The following KLHL14 variants were observed in gnomAD, a reference collection of about 807,000 sequenced individuals.
KLHL14 encodes the protein kelch-like protein 14.
A neutral mutation model predicts 64.3 loss-of-function variants in KLHL14; 22 were observed. The ratio of observed to expected loss-of-function variants is 0.34; its 90% CI spans 0.24 to 0.49. The LOEUF (loss-of-function observed/expected upper bound fraction) is 0.49. KLHL14 is among the 20% of genes least tolerant of loss of function. The pLI, the probability that KLHL14 is intolerant of heterozygous loss-of-function variation, is 0.99. For missense variants in KLHL14, 661 were observed against 789.0 expected (o/e 0.84, Z 1.94); for synonymous variants, 322 against 333.4 (o/e 0.97, Z 0.37).
intron 4 of KLHL14, among the ~76,000 whole-genome samples, chr18:32,694,170 T>C (rs528840436): frequency 1.3e-5 from 2 of 152,322 alleles, no homozygotes; most frequent in East Asian, 3.9e-4. Flanking sequence ...ATGTTCCTGT[T>C]TTCTCTTGTC....
intron 3 of KLHL14, among the ~76,000 whole-genome samples, chr18:32,711,503 A>T (rs689525): frequency 0.29 from 44,816 of 151,952 alleles, 6,874 homozygotes; most frequent in African/African-American, 0.37. Flanking sequence ...TTGGATTCTC[A>T]TTTTCCTGGT....
chr18:32,710,908 A>G (rs937626998), intron 3 of KLHL14, among the ~76,000 whole-genome samples: 1 of 151,782 alleles, frequency 6.6e-6, no homozygotes, highest in Non-Finnish European at 1.5e-5. Flanking sequence ...TGTAAGGAGC[A>G]ATGGGATGTA....
chr18:32,681,557 T>C (rs2049838857), intron 5 of KLHL14, among the ~76,000 whole-genome samples: 1 of 152,138 alleles, frequency 6.6e-6, no homozygotes, highest in Non-Finnish European at 1.5e-5. Flanking sequence ...TTTGACTCTT[T>C]GCTTCTTTTT....
intron 3 of KLHL14, among the ~76,000 whole-genome samples, chr18:32,730,449 A>C (rs893695251): frequency 1.3e-5 from 2 of 152,254 alleles, no homozygotes; most frequent in Non-Finnish European, 2.9e-5. Context: ...AATTCCAGTC[A>C]GACCAGTTTC....
chr18:32,742,131 G>T (rs2050202488), intron 2 of KLHL14, 82 bp from the exon 3 acceptor site: 1 of 1,426,718 alleles, frequency 7.0e-7, no homozygotes, highest in Non-Finnish European at 9.6e-7. Flanking sequence ...AACCATCAAA[G>T]AATGTTCCTT....
intron 2 of KLHL14, among the ~76,000 whole-genome samples, chr18:32,749,178 C>T (rs1487939549): frequency 1.3e-5 from 2 of 152,184 alleles, no homozygotes; most frequent in Non-Finnish European, 2.9e-5. Flanking sequence ...ACTTTCTCTA[C>T]ATAGGGTCTT....
chr18:32,701,203 C>A (rs1176955333), intron 3 of KLHL14, among the ~76,000 whole-genome samples: 1 of 152,162 alleles, frequency 6.6e-6, no homozygotes, highest in East Asian at 1.9e-4. Flanking sequence ...TCACTAGATG[C>A]AGACACCTTT....
At chr18:32,692,263 T>A (rs189134278) in intron 4 of KLHL14, among the ~76,000 whole-genome samples, 1 of 152,332 alleles carries the variant, frequency 6.6e-6, no homozygotes, top group African/African-American at 2.4e-5. Context: ...AATGAGTACA[T>A]GTTTGTGTTT....
chr18:32,758,020 C>T (rs2050290783), intron 2 of KLHL14, among the ~76,000 whole-genome samples: 2 of 152,196 alleles, frequency 1.3e-5, no homozygotes, highest in South Asian at 4.2e-4. Context: ...ATATTTATAA[C>T]TTAATCATAA....
intron 2 of KLHL14, chr18:32,743,113 AT>A (rs1305270247): frequency 6.6e-6 from 1 of 152,246 alleles, no homozygotes; most frequent in African/African-American, 2.4e-5. Flanking sequence ...GGGCCTGCTG[AT>A]TTAACAGTCG....
At chr18:32,684,270 GGCAT>G (rs1243707546) in intron 5 of KLHL14, among the ~76,000 whole-genome samples, 11 of 152,158 alleles carry the variant, frequency 7.2e-5, no homozygotes, top group African/African-American at 2.7e-4. Flanking sequence ...ATAGCCAGCA[GGCAT>G]GCAATTCATG....
rs141520951 is a variant in KLHL14 at position 32,698,773 on chromosome 18, C to T, written c.1070-3221G>A. On this transcript the variant is annotated intron_variant, in intron 3 of 8. Transcript: ENST00000359358. Reference sequence around the variant, plus strand: ...AATTGGAGAAGAAAAAACTTTTCATCATCTGAAGGAGCATTTCATTTCATC... The same window carrying T: ...AATTGGAGAAGAAAAAACTTTTCATTATCTGAAGGAGCATTTCATTTCATC... Among the ~76,000 whole-genome samples, 29 of 152,260 alleles carry T rather than the reference C, an allele frequency of 1.9e-4. No individual in the cohort carries two copies. In the East Asian group the frequency reaches 4.2e-3, roughly 22 times the overall value.
intron 3 of KLHL14, among the ~76,000 whole-genome samples, chr18:32,713,029 T>C (rs969754836): frequency 6.8e-6 from 1 of 148,078 alleles, no homozygotes; most frequent in African/African-American, 2.5e-5. Flanking sequence ...CTTTTAAATC[T>C]TTCTCACCTC....
chr18:32,770,605 G>C lies in KLHL14; in HGVS notation c.-14C>G. The C allele has an allele frequency of 6.5e-7, 1 of 1,545,366 alleles. No homozygotes were observed. The highest frequency in any genetic ancestry group is 1.2e-5 in the South Asian group (1 of 82,522). ...GGATCTGGACATGGCGAGCTGACTCGGTGCACCTGGCTTTAAACCCTCCTC... is the reference window on the plus strand; with the variant it reads ...GGATCTGGACATGGCGAGCTGACTCCGTGCACCTGGCTTTAAACCCTCCTC... On this transcript the variant is annotated 5_prime_UTR_variant, in exon 2 of 9. Coordinates refer to ENST00000359358, the MANE Select transcript of KLHL14 (RefSeq NM_020805.3). This position sits in a 1 kb window ranked among gnomAD's most constrained non-coding sequence, Gnocchi z 6.7.
intron 2 of KLHL14, among the ~76,000 whole-genome samples, chr18:32,763,830 C>A (rs1232356315): frequency 6.6e-6 from 1 of 152,152 alleles, no homozygotes; most frequent in Non-Finnish European, 1.5e-5. Context: ...ATTTTTGGAT[C>A]AAGGTCAGGC....
chr18:32,766,722 T>C (rs2050347574), intron 2 of KLHL14, among the ~76,000 whole-genome samples: 1 of 152,090 alleles, frequency 6.6e-6, no homozygotes, highest in South Asian at 2.1e-4. Context: ...TTTGGTAAAA[T>C]GGAATATGAA....
rs972780307 is a variant in KLHL14 at position 32,674,226 on chromosome 18, A to G, written c.*431T>C. On this transcript the variant is annotated 3_prime_UTR_variant, in exon 9 of 9. Transcript: ENST00000359358. ...AGTGGCAATTTCTGTAATGCAGTGT[A>G]TTTTGGTGGCTCAAATTTGGAATCA... 2.6e-5 allele frequency: 4 copies of G among 155,390 alleles called. No homozygotes were observed. Among genetic ancestry groups the G allele is most frequent in the Non-Finnish European group, 5.7e-5 (4 of 69,906 alleles). 9.6% of individuals were successfully genotyped at this position (155,390 alleles called of 1,614,324 possible). A position where few individuals can be genotyped will look rare whatever the true frequency, so the allele number is the denominator to read the frequency against.
chr18:32,724,378 T>A (rs1598564618), intron 3 of KLHL14, among the ~76,000 whole-genome samples: 1 of 152,292 alleles, frequency 6.6e-6, no homozygotes, highest in African/African-American at 2.4e-5. Flanking sequence ...GAGGATAACA[T>A]TTATCCAATA....
At chr18:32,757,381 G>A (rs1054592993) in intron 2 of KLHL14, among the ~76,000 whole-genome samples, 2 of 152,184 alleles carry the variant, frequency 1.3e-5, no homozygotes, top group African/African-American at 4.8e-5. Context: ...TTCCGTGTCG[G>A]AATCCACTTG....
Sources: allele counts gnomAD v4.1 joint callset (sites outside exome capture counted in the v4.1 genomes callset), GRCh38; gene constraint gnomAD v4.1.1; non-coding constraint Gnocchi (gnomAD v3.1); transcripts MANE v1.5; gene names NCBI Gene and HGNC (gene_info 2026-07-23, HGNC 2026-07-21).